IL23R: variants seen among roughly 807,000 people sequenced by gnomAD.
IL23R encodes interleukin-23 receptor.
Under a neutral mutation model 56.9 loss-of-function variants are expected in IL23R, and 34 were observed. That is an observed-to-expected ratio of 0.60 (90% confidence interval 0.45 to 0.80). IL23R has a LOEUF of 0.80. Ranked by LOEUF, IL23R falls within the 30% of genes least tolerant of loss-of-function variation. IL23R has a pLI of 0.00. For missense variants in IL23R, 635 were observed against 730.0 expected (o/e 0.87, Z 1.50); for synonymous variants, 230 against 249.2 (o/e 0.92, Z 0.73).
intron 7 of IL23R, 115 bp downstream of exon 7, chr1:67,219,845 T>C: frequency 1.0e-6 from 1 of 991,086 alleles, no homozygotes; most frequent in Non-Finnish European, 1.6e-6. Flanking sequence ...GCAGGAAGAT[T>C]GCTTGAGCCT....
At chr1:67,255,699 A>G in intron 9 of IL23R, 138 bp from the exon 10 acceptor site, 1 of 571,940 alleles carries the variant, frequency 1.7e-6, no homozygotes, top group South Asian at 1.6e-5. Context: ...TCAGCCTCCC[A>G]AAGTGCTGGG....
chr1:67,191,848 G>A (rs1215171033), intron 4 of IL23R, among the ~76,000 whole-genome samples: 3 of 152,074 alleles, frequency 2.0e-5, no homozygotes, highest in Non-Finnish European at 4.4e-5. Context: ...TGGCTTCCAG[G>A]ACAGGACTCC....
intron 3 of IL23R, among the ~76,000 whole-genome samples, chr1:67,177,123 G>T (rs185338297): frequency 3.4e-4 from 51 of 152,206 alleles, no homozygotes; most frequent in Non-Finnish European, 3.2e-4. Context: ...AATCCTTTGG[G>T]TATATACTCA....
intron 4 of IL23R, among the ~76,000 whole-genome samples, chr1:67,198,806 A>T (rs1404540519): frequency 6.6e-6 from 1 of 152,176 alleles, no homozygotes; most frequent in Non-Finnish European, 1.5e-5. Context: ...TTAATTGGGC[A>T]TGGTAGTACG....
intron 8 of IL23R, among the ~76,000 whole-genome samples, chr1:67,237,589 G>A (rs1278196483): frequency 6.6e-6 from 1 of 152,176 alleles, no homozygotes; most frequent in Non-Finnish European, 1.5e-5. Flanking sequence ...TCAATGTCCT[G>A]GAGTCTATTG....
rs1285881599 is a variant in IL23R at position 67,142,237 on chromosome 1, C to T, written c.-634+3076C>T. On this transcript the variant is annotated intron_variant, in intron 1 of 10. Transcript: ENST00000637002. Reference sequence around the variant, plus strand: ...TTTAATTCCTGTTCCAAGTGAGATCCTTTCTCAAAAAAGTAAAAGATAAAA... The same window carrying T: ...TTTAATTCCTGTTCCAAGTGAGATCTTTTCTCAAAAAAGTAAAAGATAAAA... 2.6e-5 allele frequency among the ~76,000 whole-genome samples: 4 copies of T among 151,976 alleles called. 1 individual carries two copies. In the East Asian group the frequency reaches 5.8e-4, roughly 22 times the overall value.
intron 4 of IL23R, chr1:67,195,992 G>T (rs1421616336): frequency 6.6e-6 from 1 of 152,280 alleles, no homozygotes; most frequent in Non-Finnish European, 1.5e-5. Flanking sequence ...AGGAGTTGCT[G>T]AAAAGATATA....
At position 67,204,032 on chromosome 1, in the gene IL23R, T is replaced by C. The variant is rs116237398; in HGVS notation, c.653-2878T>C. On this transcript the variant is annotated intron_variant, in intron 5 of 10. Coordinates refer to ENST00000347310, the MANE Select transcript of IL23R (RefSeq NM_144701.3). ...GCTTTTATTTCAATACGAGTAGAAT[T>C]TAAAAATATGACATCTATAATAAAA... Among the ~76,000 whole-genome samples, 401 of 152,354 alleles carry C rather than the reference T, an allele frequency of 2.6e-3. 2 individuals carry two copies. Among genetic ancestry groups the C allele is most frequent in the African/African-American group, 9.0e-3 (375 of 41,578 alleles).
intron 9 of IL23R, among the ~76,000 whole-genome samples, chr1:67,251,966 G>T (rs1220681823): frequency 2.0e-5 from 3 of 152,088 alleles, no homozygotes; most frequent in Non-Finnish European, 4.4e-5. Flanking sequence ...CCACCACGTG[G>T]TTACAAAGTC....
At chr1:67,163,094 A>G (rs1292987968), upstream of IL23R, among the ~76,000 whole-genome samples, 3 of 152,132 alleles carry the variant, frequency 2.0e-5, no homozygotes, top group African/African-American at 7.2e-5. Context: ...TTTTTCTCCA[A>G]CAAAGCTGAA....
chr1:67,238,341 G>A (rs1273455231), intron 8 of IL23R, among the ~76,000 whole-genome samples: 43 of 130,566 alleles, frequency 3.3e-4, no homozygotes, highest in East Asian at 4.4e-4. Flanking sequence ...CCTGTCTCAG[G>A]AAAAAAAAAA....
At chr1:67,145,373 T>C (rs1646670590) in intron 1 of IL23R, among the ~76,000 whole-genome samples, 1 of 152,136 alleles carries the variant, frequency 6.6e-6, no homozygotes, top group African/African-American at 2.4e-5. Flanking sequence ...ATATTGAATG[T>C]CTACCATACC....
At chr1:67,165,503 A>G (rs1646864785), upstream of IL23R, among the ~76,000 whole-genome samples, 1 of 152,212 alleles carries the variant, frequency 6.6e-6, no homozygotes, top group Non-Finnish European at 1.5e-5. Flanking sequence ...GCACCATGAG[A>G]GATATCTGCC....
intron 6 of IL23R, among the ~76,000 whole-genome samples, chr1:67,218,326 ATGTGTGTGTG>A (rs3052947): frequency 1.5e-4 from 19 of 124,824 alleles, no homozygotes; most frequent in Admixed American, 4.7e-4. Context: ...ATATATGCAT[ATGTGTGTGTG>A]TGTGTGTGTG....
intron 5 of IL23R, among the ~76,000 whole-genome samples, chr1:67,202,730 G>A (rs1238571654): frequency 3.9e-5 from 6 of 152,064 alleles, no homozygotes; most frequent in African/African-American, 1.4e-4. Flanking sequence ...AGGCCACAGT[G>A]CCTGGCTAAT....
chr1:67,238,401 G>A (rs1651631979), intron 8 of IL23R, among the ~76,000 whole-genome samples: 1 of 151,616 alleles, frequency 6.6e-6, no homozygotes, highest in Admixed American at 6.6e-5. Context: ...AAAGGTAAGG[G>A]CACTCTGAAT....
chr1:67,264,588 G>A (rs554137686), downstream of IL23R, among the ~76,000 whole-genome samples: 48 of 152,306 alleles, frequency 3.2e-4, no homozygotes, highest in Non-Finnish European at 5.4e-4. Flanking sequence ...CTTCGATGCT[G>A]TAGTTAAGAC....
intron 4 of IL23R, among the ~76,000 whole-genome samples, chr1:67,193,108 G>A (rs1558236821): frequency 6.6e-6 from 1 of 152,070 alleles, no homozygotes; most frequent in Admixed American, 6.6e-5. Context: ...GCCAAGCAAG[G>A]TCCTGCCTCA....
intron 10 of IL23R, among the ~76,000 whole-genome samples, chr1:67,257,509 A>C (rs1188462275): frequency 6.6e-6 from 1 of 152,154 alleles, no homozygotes; most frequent in Non-Finnish European, 1.5e-5. Flanking sequence ...GGGAGAGGGC[A>C]CACAAACGTT....
Sources: allele counts gnomAD v4.1 joint callset (sites outside exome capture counted in the v4.1 genomes callset), GRCh38; gene constraint gnomAD v4.1.1; transcripts MANE v1.5; gene names NCBI Gene and HGNC (gene_info 2026-07-23, HGNC 2026-07-21).